The following CCDC39 variants were observed in gnomAD, a reference collection of about 807,000 sequenced individuals.
The protein encoded by CCDC39 is coiled-coil domain 39 molecular ruler complex subunit.
In CCDC39, 113 loss-of-function variants were observed where a neutral mutation model predicts 121.0. The observed-to-expected ratio is 0.93, with a 90% CI of 0.80 to 1.09. The LOEUF is 1.09. CCDC39 is among the 50% of genes least tolerant of loss of function. The pLI, the probability that CCDC39 is intolerant of heterozygous loss-of-function variation, is 0.00. For synonymous variants in CCDC39, 349 were observed against 352.2 expected (o/e 0.99, Z 0.10); for missense variants, 1,063 against 1,074.7 (o/e 0.99, Z 0.15).
At chr3:180,632,388 C>T (rs1717721712) in intron 13 of CCDC39, among the ~76,000 whole-genome samples, 2 of 152,134 alleles carry the variant, frequency 1.3e-5, no homozygotes, top group South Asian at 4.1e-4. Flanking sequence ...GCTACAAACT[C>T]ATGCAAGTAA....
chr3:180,669,888 A>G (rs2108433819), intron 1 of CCDC39, among the ~76,000 whole-genome samples: 1 of 152,286 alleles, frequency 6.6e-6, no homozygotes, highest in South Asian at 2.1e-4. Flanking sequence ...AGCACTGTTA[A>G]TGAAAGAGAT....
chr3:180,679,311 TCTC>T lies in CCDC39; in HGVS notation c.67_69del (p.Glu23del), dbSNP rs771715698. ...CTCACCTGATCTTCCAGTAGCTTGT[TCTC>T]CTCGTTCGCCACCGGGATGGCGAAC... On this transcript the variant is annotated inframe_deletion, in exon 1 of 20. Transcript: ENST00000476379. This position sits in a 1 kb window ranked among gnomAD's most constrained non-coding sequence, Gnocchi z 4.0. 24 of 1,613,680 alleles carry T rather than the reference TCTC, an allele frequency of 1.5e-5. No individual in the cohort carries two copies. Among genetic ancestry groups the T allele is most frequent in the East Asian group, 2.2e-5 (1 of 44,872 alleles).
chr3:180,643,864 G>A (rs1177534866), intron 12 of CCDC39, among the ~76,000 whole-genome samples: 3 of 152,100 alleles, frequency 2.0e-5, no homozygotes, highest in East Asian at 1.9e-4. Context: ...CTTATAGAAA[G>A]CCTTCAAAAA....
Position 180,660,568 on chromosome 3 carries a change from A to G in CCDC39, c.516+2T>C. 1 of 1,565,920 alleles carries G rather than the reference A, an allele frequency of 6.4e-7. No individual in the cohort carries two copies. Among genetic ancestry groups the G allele is most frequent in the Non-Finnish European group, 8.7e-7 (1 of 1,150,668 alleles). On this transcript the variant is annotated splice_donor_variant, in intron 4 of 19. Coordinates refer to ENST00000476379, the MANE Select transcript of CCDC39 (RefSeq NM_181426.2). LOFTEE classifies it high-confidence loss of function. ...TAACAGTTACAATTTGTAATTTCTC[A>G]CCCTGATTTTATTATCATCTTGTTG... is the stretch of plus-strand genomic sequence containing the variant.
At chr3:180,655,695 T>C (rs1209080720) in intron 6 of CCDC39, among the ~76,000 whole-genome samples, 5 of 151,948 alleles carry the variant, frequency 3.3e-5, no homozygotes, top group African/African-American at 1.2e-4. Context: ...AAGGAATATA[T>C]TAAGAAGGGT....
In CCDC39 at chr3:180,648,280, T is replaced by G; in HGVS notation, c.1247A>C (p.Glu416Ala). The stretch of plus-strand genomic sequence containing the variant: ...TTCAATTTCTGATAAAACAGCTTTT[T>G]CTTTCATTGTCTCAGTCTGTAACTC... The part of the protein sequence containing the change: ...AQELQTETMK[E>A]KAVLSEIEGT... The change falls in exon 10 of 20, where the codon GAA becomes GCA. Residue 416 changes from glutamate to alanine, a missense_variant. By Grantham distance (107) the Glu-to-Ala change is moderately radical. Coordinates refer to ENST00000476379, the MANE Select transcript of CCDC39 (RefSeq NM_181426.2). 6.2e-7 allele frequency: 1 copy of G among 1,613,282 alleles called. No homozygotes were observed. The highest frequency in any genetic ancestry group is 8.5e-7 in the Non-Finnish European group (1 of 1,179,536).
At chr3:180,648,860 C>T (rs1327638641) in intron 9 of CCDC39, among the ~76,000 whole-genome samples, 1 of 152,052 alleles carries the variant, frequency 6.6e-6, no homozygotes, top group Non-Finnish European at 1.5e-5. Flanking sequence ...TATAAATACT[C>T]CCATTATGGC....
intron 1 of CCDC39, among the ~76,000 whole-genome samples, chr3:180,673,863 G>C (rs973982742): frequency 3.3e-5 from 5 of 151,660 alleles, no homozygotes; most frequent in Non-Finnish European, 7.4e-5. Flanking sequence ...TTGAAGAGCT[G>C]ATGCTTTAAG....
At chr3:180,654,721 T>C (rs1369363437) in intron 7 of CCDC39, 41 bp downstream of exon 7, 3 of 1,359,578 alleles carry the variant, frequency 2.2e-6, no homozygotes, top group South Asian at 2.8e-5. Context: ...TATAGTGATT[T>C]GTCGTGAACA....
chr3:180,627,985 T>G (rs1486699988), intron 14 of CCDC39, among the ~76,000 whole-genome samples: 2 of 152,182 alleles, frequency 1.3e-5, no homozygotes, highest in Non-Finnish European at 1.5e-5. Flanking sequence ...ATGGGAAATT[T>G]GGACAGAGGG....
intron 14 of CCDC39, among the ~76,000 whole-genome samples, chr3:180,624,826 T>C (rs546416852): frequency 6.6e-6 from 1 of 152,314 alleles, no homozygotes; most frequent in Admixed American, 6.5e-5. Context: ...TTCCTTTTAG[T>C]GCTTTGAAAA....
At chr3:180,654,176 T>G (rs1048375917) in intron 7 of CCDC39, among the ~76,000 whole-genome samples, 3 of 129,774 alleles carry the variant, frequency 2.3e-5, no homozygotes, top group African/African-American at 6.1e-5. Context: ...GGGGAAAGGA[T>G]AGTCTCTTCA....
intron 6 of CCDC39, 40 bp from the exon 7 acceptor site, chr3:180,654,993 A>C: frequency 8.1e-7 from 1 of 1,227,582 alleles, no homozygotes; most frequent in Non-Finnish European, 1.1e-6. Context: ...ATATATGTTT[A>C]AACTGAGAAA....
chr3:180,643,880 T>A (rs1718014319), intron 12 of CCDC39, among the ~76,000 whole-genome samples: 2 of 152,168 alleles, frequency 1.3e-5, no homozygotes, highest in Admixed American at 1.3e-4. Context: ...AAAAATGTTT[T>A]TGAAAGAATA....
chr3:180,672,248 T>C (rs1249191937), intron 1 of CCDC39, among the ~76,000 whole-genome samples: 2 of 152,178 alleles, frequency 1.3e-5, no homozygotes, highest in African/African-American at 4.8e-5. Context: ...CATGGTTTAC[T>C]GAAAATTTTA....
chr3:180,648,589 C>A (rs532178078), intron 9 of CCDC39, among the ~76,000 whole-genome samples: 4 of 152,222 alleles, frequency 2.6e-5, no homozygotes, highest in Admixed American at 1.3e-4. Context: ...CTTGACCTGT[C>A]GTCTTAATTT....
At chr3:180,657,975 C>G (rs1711624788) in intron 6 of CCDC39, among the ~76,000 whole-genome samples, 1 of 152,166 alleles carries the variant, frequency 6.6e-6, no homozygotes, top group Non-Finnish European at 1.5e-5. Context: ...TGCGGTGGCT[C>G]ACGCCTGTAA....
At chr3:180,671,290 T>C (rs1216773528) in intron 1 of CCDC39, among the ~76,000 whole-genome samples, 1 of 152,020 alleles carries the variant, frequency 6.6e-6, no homozygotes, top group Non-Finnish European at 1.5e-5. Flanking sequence ...ACCCTTGTTT[T>C]AGAAACTGCT....
chr3:180,623,243 T>A (rs1406770333), intron 14 of CCDC39, among the ~76,000 whole-genome samples: 3 of 151,744 alleles, frequency 2.0e-5, no homozygotes, highest in African/African-American at 4.8e-5. Flanking sequence ...TTACTCTAGG[T>A]TTTCTAATTT....
Sources: gnomAD v4.1 joint callset for allele counts (sites outside exome capture counted in the v4.1 genomes callset) on GRCh38, gnomAD v4.1.1 for gene constraint, Gnocchi (gnomAD v3.1) non-coding constraint, MANE v1.5 for transcripts, NCBI Gene and HGNC (gene_info 2026-07-23, HGNC 2026-07-21) for gene names.